The following TRAIP variants were observed in gnomAD, a reference collection of about 807,000 sequenced individuals.
The protein encoded by TRAIP is TRAF interacting protein, also known as E3 ubiquitin-protein ligase TRAIP.
In TRAIP, 37 loss-of-function variants were observed where a neutral mutation model predicts 65.0. The observed-to-expected ratio is 0.57, with a 90% CI of 0.44 to 0.75. The LOEUF (loss-of-function observed/expected upper bound fraction) is 0.75, where lower values mean the gene tolerates loss of function less well. TRAIP is among the 30% of genes least tolerant of loss of function. TRAIP has a pLI of 0.00. For synonymous variants in TRAIP, 187 were observed against 219.1 expected (o/e 0.85, Z 1.29); for missense variants, 481 against 579.4 (o/e 0.83, Z 1.74).
At chr3:49,844,674 C>A in intron 3 of TRAIP, 94 bp from the exon 4 acceptor site, 1 of 1,427,058 alleles carries the variant, frequency 7.0e-7, no homozygotes, top group African/African-American at 1.4e-5. Context: ...CAGGATTGAA[C>A]AATGAGGCCT....
chr3:49,850,970 CTTT>C (rs1244136943), intron 1 of TRAIP, among the ~76,000 whole-genome samples: 1 of 142,066 alleles, frequency 7.0e-6, no homozygotes, highest in Admixed American at 7.1e-5. Flanking sequence ...TTCCTGTTTT[CTTT>C]TTTTTTTTTG....
At chr3:49,829,386 G>C (rs1167356261) in intron 14 of TRAIP, 72 bp downstream of exon 14, 22 of 1,612,482 alleles carry the variant, frequency 1.4e-5, no homozygotes, top group African/African-American at 1.3e-5. Context: ...GCACTGGCAG[G>C]CTGGGGGTAT....
At position 49,830,088 on chromosome 3, in the gene TRAIP, G is replaced by C; in HGVS notation, c.1038-20C>G. 1 of 1,614,092 alleles carries C rather than the reference G, an allele frequency of 6.2e-7. No homozygotes were observed. The highest frequency in any genetic ancestry group is 8.5e-7 in the Non-Finnish European group (1 of 1,179,948). ...GGGGAGCTACAAGAATGAGAGAGAAGGCAAGGGGTAGGTAAGCAAGACATG... is the reference window on the plus strand; with the variant it reads ...GGGGAGCTACAAGAATGAGAGAGAACGCAAGGGGTAGGTAAGCAAGACATG... On this transcript the variant is annotated intron_variant, in intron 11 of 14. Coordinates refer to ENST00000331456, the MANE Select transcript of TRAIP (RefSeq NM_005879.3).
At position 49,829,198 on chromosome 3, in the gene TRAIP, G is replaced by A. The variant is rs759484761; in HGVS notation, c.1315C>T (p.Pro439Ser). The change falls in exon 15 of 15, where the codon CCT (proline) becomes TCT (serine). Residue 439 changes from proline to serine, a missense_variant. Coordinates refer to ENST00000331456, the MANE Select transcript of TRAIP (RefSeq NM_005879.3). ...TTAACCTTGGTCTTGGGCTTAACAG[G>A]CAATGGGCGGATCATGACTGTGTCA... is the stretch of plus-strand genomic sequence containing the variant. ...PTDTVMIRPL[P>S]VKPKTKVKQR... 1.2e-6 allele frequency: 2 copies of A among 1,614,222 alleles called. No individual in the cohort carries two copies. Among genetic ancestry groups the A allele is most frequent in the Non-Finnish European group, 1.7e-6 (2 of 1,180,044 alleles).
intron 2 of TRAIP, 145 bp from the exon 3 acceptor site, chr3:49,847,753 G>A (rs1404400023): frequency 3.1e-6 from 2 of 637,310 alleles, no homozygotes; most frequent in Non-Finnish European, 2.8e-6. Context: ...ATCCTTTAGA[G>A]TCAAAAGACC....
intron 8 of TRAIP, 166 bp from the exon 9 acceptor site, chr3:49,840,539 G>A (rs971134525): frequency 5.1e-5 from 31 of 607,854 alleles, no homozygotes; most frequent in Admixed American, 2.9e-4. Flanking sequence ...ATGCACATCC[G>A]GAGCTGCCTA....
At chr3:49,851,150 T>C (rs1273236903) in intron 1 of TRAIP, among the ~76,000 whole-genome samples, 1 of 151,870 alleles carries the variant, frequency 6.6e-6, no homozygotes, top group Non-Finnish European at 1.5e-5. Flanking sequence ...GCTAATTTTC[T>C]GTGTTTTTAG....
At chr3:49,856,173 T>C (rs187309958) in intron 1 of TRAIP, among the ~76,000 whole-genome samples, 183 bp downstream of exon 1, 3 of 152,346 alleles carry the variant, frequency 2.0e-5, no homozygotes, top group African/African-American at 7.2e-5. Flanking sequence ...CTATCACCTC[T>C]ACCAGAAAGC....
In TRAIP at chr3:49,847,547, A is replaced by C. The variant is rs1455856886; in HGVS notation, c.218T>G (p.Val73Gly). Residue 73 changes from valine (V) to glycine (G), a missense_variant, in exon 3 of 15, where the codon GTC becomes GGC. Coordinates refer to ENST00000331456, the MANE Select transcript of TRAIP (RefSeq NM_005879.3). Reference sequence around the variant, plus strand: ...TACCTTTAAGAATTCTGCATCCAAGACATTCTCCTCCTCCTGGGCAAGATC... The same window carrying C: ...TACCTTTAAGAATTCTGCATCCAAGCCATTCTCCTCCTCCTGGGCAAGATC... ...FFDLAQEEENVLDAEFLKNEL... is the reference protein window; with the variant it reads ...FFDLAQEEENGLDAEFLKNEL... 24 of 1,612,176 alleles carry C rather than the reference A, an allele frequency of 1.5e-5. No homozygotes were observed. The highest frequency in any genetic ancestry group is 2.0e-5 in the Non-Finnish European group (24 of 1,179,286).
At chr3:49,855,813 C>G (rs2081965272) in intron 1 of TRAIP, among the ~76,000 whole-genome samples, 1 of 152,216 alleles carries the variant, frequency 6.6e-6, no homozygotes, top group Non-Finnish European at 1.5e-5. Flanking sequence ...TAGCTGTACA[C>G]TCAACAGAAT....
At chr3:49,854,470 G>A (rs148718552) in intron 1 of TRAIP, among the ~76,000 whole-genome samples, 7 of 152,212 alleles carry the variant, frequency 4.6e-5, no homozygotes, top group Admixed American at 3.9e-4. Flanking sequence ...CCTTGAAATT[G>A]GTAAGTTAAG....
At chr3:49,844,456 G>A (rs1299179284) in intron 4 of TRAIP, 85 bp downstream of exon 4, 10 of 1,490,140 alleles carry the variant, frequency 6.7e-6, no homozygotes, top group South Asian at 5.8e-5. Context: ...TCTCCCAAAC[G>A]GTTTGAAACC....
intron 10 of TRAIP, among the ~76,000 whole-genome samples, chr3:49,834,846 A>G (rs1169902348): frequency 6.6e-6 from 1 of 152,248 alleles, no homozygotes; most frequent in East Asian, 1.9e-4. Context: ...CCATAAAACA[A>G]GAACATGATG....
At chr3:49,850,405 A>G (rs1227855966) in intron 1 of TRAIP, among the ~76,000 whole-genome samples, 3 of 151,904 alleles carry the variant, frequency 2.0e-5, no homozygotes, top group Non-Finnish European at 2.9e-5. Context: ...AGACTAAGGC[A>G]GAAGAATCGT....
chr3:49,842,797 T>C (rs1024732271), intron 5 of TRAIP, among the ~76,000 whole-genome samples: 5 of 152,096 alleles, frequency 3.3e-5, no homozygotes, highest in African/African-American at 9.7e-5. Flanking sequence ...TATCTTACAG[T>C]AGACACAGCC....
At position 49,841,812 on chromosome 3, in the gene TRAIP, G is replaced by A. The variant is rs1559448781; in HGVS notation, c.617+14C>T. The A allele has an allele frequency of 1.2e-6, 2 of 1,605,902 alleles. No individual in the cohort carries two copies. Among genetic ancestry groups the A allele is most frequent in the Middle Eastern group, 3.3e-4 (2 of 6,044 alleles). On this transcript the variant is annotated intron_variant, in intron 7 of 14. Transcript: ENST00000331456. ...CTATCTCCTGTGTTTGCTGAGAGGG[G>A]CCACAGTACGCACTTCTTGAGAGAC... is the stretch of plus-strand genomic sequence containing the variant.
rs751675538 is a variant in TRAIP at position 49,831,942 on chromosome 3, G to A, written c.1011C>T (p.Tyr337=). The A allele has an allele frequency of 1.9e-5, 31 of 1,593,904 alleles. No homozygotes were observed. The highest frequency in any genetic ancestry group is 1.1e-4 in the South Asian group (10 of 88,202). Reference sequence around the variant, plus strand: ...GTGACTTCTCTAGGCAAAGTTTTTCGTAGTAACCATGCTGGGAGCTGGAGG... The same window carrying A: ...GTGACTTCTCTAGGCAAAGTTTTTCATAGTAACCATGCTGGGAGCTGGAGG... ...ARPSSSQHGY[Y]EKLCLEKSHS... is the part of the protein sequence containing the mutation. Residue 337 remains tyrosine (Y), a synonymous_variant, in exon 11 of 15, where the codon TAC becomes TAT. Coordinates refer to ENST00000331456, the MANE Select transcript of TRAIP (RefSeq NM_005879.3).
intron 10 of TRAIP, among the ~76,000 whole-genome samples, chr3:49,836,655 C>T (rs915278297): frequency 3.9e-5 from 6 of 152,098 alleles, no homozygotes; most frequent in African/African-American, 9.7e-5. Context: ...ATAAGTGAGA[C>T]CCTGCCTCTA....
intron 4 of TRAIP, 78 bp from the exon 5 acceptor site, chr3:49,844,006 A>C: frequency 6.5e-7 from 1 of 1,529,174 alleles, no homozygotes; most frequent in East Asian, 2.3e-5. Flanking sequence ...CCTTGGATTC[A>C]GTGCCTCATC....
Sources: allele counts gnomAD v4.1 joint callset (sites outside exome capture counted in the v4.1 genomes callset), GRCh38; gene constraint gnomAD v4.1.1; transcripts MANE v1.5; gene names NCBI Gene and HGNC (gene_info 2026-07-23, HGNC 2026-07-21).